Variants in ANK1 observed in about 807,000 individuals in gnomAD.
The protein encoded by ANK1 is ankyrin 1.
A neutral mutation model predicts 210.4 loss-of-function variants in ANK1; 51 were observed. That is an observed-to-expected ratio of 0.24 (90% CI 0.19 to 0.31). The LOEUF is 0.31. Ranked by LOEUF, ANK1 falls within the 10% of genes least tolerant of loss-of-function variation. ANK1 has a pLI of 1.00. For missense variants in ANK1, 2,051 were observed against 2,504.4 expected, an observed-to-expected ratio of 0.82 and a Z score of 3.86; for synonymous variants, 967 against 1,025.9, an observed-to-expected ratio of 0.94 and a Z score of 1.10.
rs557191118 is a variant in ANK1, at chr8:41,880,642, A to C, written c.126+15713T>G. Among the ~76,000 whole-genome samples, 18 of 152,326 alleles carry C rather than the reference A, an allele frequency of 1.2e-4. No individual in the cohort carries two copies. In the South Asian group the frequency reaches 3.7e-3, roughly 32 times the overall value. On this transcript the variant is annotated intron_variant, in intron 1 of 42. Transcript: ENST00000265709. ...TGGGCATCCACCAAACCCCGCAAACACCTGAGCTGCGCGAGGCACACAAAG... is the reference window on the plus strand; with the variant it reads ...TGGGCATCCACCAAACCCCGCAAACCCCTGAGCTGCGCGAGGCACACAAAG...
At chr8:41,768,732 C>CG (rs1382356824) in intron 1 of ANK1, among the ~76,000 whole-genome samples, 2 of 149,878 alleles carry the variant, frequency 1.3e-5, no homozygotes, top group African/African-American at 2.5e-5. Context: ...GAGGCTGAGG[C>CG]GGGGGGATTG....
At position 41,663,532 on chromosome 8, in the gene ANK1, G is replaced by A. The variant is rs958322796; in HGVS notation, c.5478+127C>T. ...GGGCCCTCCATCCCTCCTGAGCACGGGGGCAGCCAGCCTGGCTGTGCTCAC... is the reference window on the plus strand; with the variant it reads ...GGGCCCTCCATCCCTCCTGAGCACGAGGGCAGCCAGCCTGGCTGTGCTCAC... On this transcript the variant is annotated intron_variant, in intron 40 of 42. Coordinates refer to ENST00000289734, the MANE Select transcript of ANK1 (RefSeq NM_000037.4). 1.2e-5 allele frequency: 11 copies of A among 925,948 alleles called. No individual in the cohort carries two copies. The Admixed American group carries it at 2.1e-4, about 17-fold the overall frequency. 57.4% of individuals were successfully genotyped at this position (925,948 alleles called of 1,614,324 possible).
chr8:41,759,374 C>T (rs754711871), intron 1 of ANK1, among the ~76,000 whole-genome samples: 8 of 151,970 alleles, frequency 5.3e-5, no homozygotes, highest in Admixed American at 4.6e-4. Context: ...GGCTTGGTGA[C>T]GTGCACCTGT....
At chr8:41,744,827 G>A (rs577687956) in intron 2 of ANK1, among the ~76,000 whole-genome samples, 110 of 152,284 alleles carry the variant, frequency 7.2e-4, no homozygotes, top group East Asian at 5.4e-3. Flanking sequence ...GAGCCTCCGC[G>A]CCCGATGGGA....
chr8:41,688,285 G>A (rs1818250839), intron 34 of ANK1, 55 bp from the exon 35 acceptor site: 1 of 1,581,190 alleles, frequency 6.3e-7, no homozygotes, highest in African/African-American at 1.3e-5. Flanking sequence ...CAGTTGACAG[G>A]CCTGAGGACA....
At chr8:41,690,407 G>A (rs1818949656) in intron 32 of ANK1, 61 bp from the exon 33 acceptor site, 2 of 1,614,084 alleles carry the variant, frequency 1.2e-6, no homozygotes, top group Non-Finnish European at 1.7e-6. Flanking sequence ...CGGCTGTCTG[G>A]TTTAGGGAAT....
chr8:41,714,200 T>C lies in ANK1; in HGVS notation c.1756A>G (p.Lys586Glu). ...GAGCCGCCCCGGGGAAGCAGCAGCT[T>C]GACGATGTCCAGGTTGTTGTGATGG... is the stretch of plus-strand genomic sequence containing the variant. ...AVHHNNLDIV[K>E]LLLPRGGSPH... The change falls in exon 16 of 43, where the codon AAG becomes GAG. Residue 586 changes from lysine to glutamate, a missense_variant. Lys to Glu is a moderately conservative substitution (Grantham distance 56). This residue lies in a region of ANK1 where 1,413 missense variants were observed against 1,707.4 expected (regional missense o/e 0.83). Transcript: ENST00000289734. 1 of 1,497,362 alleles carries C rather than the reference T, an allele frequency of 6.7e-7. No individual in the cohort carries two copies. The highest frequency in any genetic ancestry group is 9.0e-7 in the Non-Finnish European group (1 of 1,109,920). 92.8% of individuals were successfully genotyped at this position (1,497,362 alleles called of 1,614,324 possible).
chr8:41,802,694 A>G (rs1431939011), intron 1 of ANK1, among the ~76,000 whole-genome samples: 1 of 152,088 alleles, frequency 6.6e-6, no homozygotes, highest in Non-Finnish European at 1.5e-5. Context: ...CTGTCATCCC[A>G]GCACTCTGGG....
At chr8:41,780,502 G>T (rs1269866393) in intron 1 of ANK1, among the ~76,000 whole-genome samples, 1 of 152,180 alleles carries the variant, frequency 6.6e-6, no homozygotes, top group Non-Finnish European at 1.5e-5. Flanking sequence ...GTCCTCCTCT[G>T]CCCACCCAGC....
chr8:41,745,221 G>C (rs1458398029), intron 2 of ANK1, among the ~76,000 whole-genome samples: 2 of 152,160 alleles, frequency 1.3e-5, no homozygotes, highest in East Asian at 3.9e-4. Context: ...ATTGTCAGAG[G>C]AGGGACAGTT....
rs759952560 is a variant in ANK1, at chr8:41,723,511, G to C, written c.810+24C>G. The C allele has an allele frequency of 1.7e-5, 27 of 1,612,888 alleles. 1 individual carries two copies. The highest frequency in any genetic ancestry group is 2.2e-5 in the Non-Finnish European group (26 of 1,179,166). On this transcript the variant is annotated intron_variant, in intron 8 of 42. Coordinates refer to ENST00000289734, the MANE Select transcript of ANK1 (RefSeq NM_000037.4). The stretch of plus-strand genomic sequence containing the variant: ...GGGGGGACCTCCCTCCCCCTGCCTG[G>C]CTACAGCACCTGCTGGCACCCACCT...
intron 1 of ANK1, among the ~76,000 whole-genome samples, chr8:41,788,380 C>T (rs905710905): frequency 2.0e-5 from 3 of 152,150 alleles, no homozygotes; most frequent in Non-Finnish European, 4.4e-5. Flanking sequence ...ACGTGAACAC[C>T]AGACACCTGT....
intron 1 of ANK1, among the ~76,000 whole-genome samples, chr8:41,857,078 C>T (rs1288224444): frequency 6.6e-6 from 1 of 151,722 alleles, no homozygotes; most frequent in African/African-American, 2.4e-5. Flanking sequence ...AGGGTTTCAC[C>T]ATGTTGGTCA....
intron 1 of ANK1, among the ~76,000 whole-genome samples, chr8:41,779,209 C>T (rs1396668616): frequency 6.6e-6 from 1 of 152,008 alleles, no homozygotes; most frequent in Non-Finnish European, 1.5e-5. Flanking sequence ...TGAGACATGC[C>T]CCTTGCTTGG....
At chr8:41,794,231 G>C (rs914016944) in intron 1 of ANK1, among the ~76,000 whole-genome samples, 1 of 152,134 alleles carries the variant, frequency 6.6e-6, no homozygotes, top group South Asian at 2.1e-4. Context: ...TGCATCTTCT[G>C]CACCTGTGCC....
chr8:41,734,996 AAAACAAAC>A (rs145809657), intron 2 of ANK1, among the ~76,000 whole-genome samples: 5 of 152,214 alleles, frequency 3.3e-5, no homozygotes, highest in African/African-American at 9.7e-5. Context: ...GGAAAAGCAA[AAAACAAAC>A]AAACAAACAA....
chr8:41,664,055 G>A, intron 39 of ANK1: 1 of 529,762 alleles, frequency 1.9e-6, no homozygotes. Flanking sequence ...CCCTGAGAGA[G>A]GAAGTGAGGC....
intron 1 of ANK1, among the ~76,000 whole-genome samples, chr8:41,857,181 CTTT>C (rs78365145): frequency 1.4e-5 from 2 of 143,268 alleles, no homozygotes; most frequent in Non-Finnish European, 1.5e-5. Flanking sequence ...CTCCTGGCAT[CTTT>C]TTTTTTTTTT....
chr8:41,691,261 C>G (rs1159879465), intron 31 of ANK1, among the ~76,000 whole-genome samples: 1 of 152,074 alleles, frequency 6.6e-6, no homozygotes, highest in Non-Finnish European at 1.5e-5. Flanking sequence ...TTATGTCTGT[C>G]CAAAGATGCT....
Sources: allele counts gnomAD v4.1 joint callset (sites outside exome capture counted in the v4.1 genomes callset), GRCh38; gene constraint gnomAD v4.1.1; regional missense constraint gnomAD v4.1.1; transcripts MANE v1.5; gene names NCBI Gene and HGNC (gene_info 2026-07-23, HGNC 2026-07-21).